The following PDE4C variants were observed in gnomAD, a reference collection of about 807,000 sequenced individuals.
The protein encoded by PDE4C is 3',5'-cyclic-AMP phosphodiesterase 4C.
A neutral mutation model predicts 63.9 loss-of-function variants in PDE4C; 50 were observed. The observed-to-expected ratio is 0.78, with a 90% CI of 0.62 to 0.99. PDE4C has a LOEUF of 0.99. PDE4C is among the 50% of genes least tolerant of loss of function. The probability of loss-of-function intolerance (pLI) is 0.00; values close to 1 mark genes in which losing one functional copy is unlikely to be tolerated. For synonymous variants in PDE4C, 377 were observed against 385.1 expected, an observed-to-expected ratio of 0.98 and a Z score of 0.25; for missense variants, 777 against 899.1, an observed-to-expected ratio of 0.86 and a Z score of 1.74.
upstream of PDE4C, chr19:18,250,539 C>A: frequency 2.7e-6 from 1 of 375,018 alleles, no homozygotes; most frequent in East Asian, 3.6e-5. Context: ...CCCACCAGGG[C>A]CCAGAGCCTT....
intron 1 of PDE4C, among the ~76,000 whole-genome samples, chr19:18,225,281 C>G (rs931176258): frequency 1.3e-5 from 2 of 152,162 alleles, no homozygotes; most frequent in Non-Finnish European, 2.9e-5. Context: ...CCTCGTTCAT[C>G]CTCACTTCTG....
chr19:18,251,676 A>ACCCCCCCCCCCC (rs1969230557), upstream of PDE4C, among the ~76,000 whole-genome samples: 3 of 23,568 alleles, frequency 1.3e-4, no homozygotes, highest in African/African-American at 3.4e-4. Context: ...CTCGTGATAC[A>ACCCCCCCCCCCC]CGCCCCCCCC....
upstream of PDE4C, among the ~76,000 whole-genome samples, chr19:18,231,078 G>A (rs566958894): frequency 1.1e-3 from 166 of 152,340 alleles, 2 homozygotes; most frequent in African/African-American, 3.7e-3. Flanking sequence ...TGATGAGGAC[G>A]CCGAGGCTCC....
chr19:18,252,404 G>A, upstream of PDE4C: 1 of 399,128 alleles, frequency 2.5e-6, no homozygotes, highest in Non-Finnish European at 4.4e-6. Flanking sequence ...GGGTGCTGTG[G>A]GCGAAGGGAG....
chr19:18,211,149 C>T (rs763707510), exon 15 of PDE4C: 5 of 1,614,114 alleles, frequency 3.1e-6, no homozygotes, highest in Middle Eastern at 1.6e-4. Flanking sequence ...TGAGGGACTT[C>T]GGGGGATCTT....
chr19:18,224,945 G>C (rs1968662543), intron 1 of PDE4C, among the ~76,000 whole-genome samples: 2 of 152,218 alleles, frequency 1.3e-5, no homozygotes, highest in South Asian at 4.1e-4. Context: ...CCCTCTCTCG[G>C]CTCTCCCCAA....
At chr19:18,211,650 A>G in intron 14 of PDE4C, 109 bp downstream of exon 14, 1 of 1,274,178 alleles carries the variant, frequency 7.8e-7, no homozygotes, top group East Asian at 2.3e-5. Context: ...CCCTTCAGGC[A>G]CACTCCCTGG....
chr19:18,250,124 C>G, upstream of PDE4C: 1 of 398,774 alleles, frequency 2.5e-6, no homozygotes, highest in Non-Finnish European at 4.4e-6. Flanking sequence ...GTTGGCTCCT[C>G]AGGGCTCACT....
chr19:18,222,020 A>G, intron 2 of PDE4C, 112 bp downstream of exon 2: 1 of 920,116 alleles, frequency 1.1e-6, no homozygotes, highest in Non-Finnish European at 1.6e-6. Flanking sequence ...GCAAACTCCT[A>G]CTTAAACTTC....
Position 18,243,304 on chromosome 19 carries a change from C to T in PDE4C, c.-210+4867G>A, listed in dbSNP as rs563103013. Among the ~76,000 whole-genome samples, 12 of 152,188 alleles carry T rather than the reference C, an allele frequency of 7.9e-5. 1 individual carries two copies. The South Asian group carries it at 2.5e-3, about 32-fold the overall frequency. ...GTATTTTTTAGTAGAGACAGGATTTCACCATGTTGGCCAGGCTGGTCTCGA... is the reference window on the plus strand; with the variant it reads ...GTATTTTTTAGTAGAGACAGGATTTTACCATGTTGGCCAGGCTGGTCTCGA... On this transcript the variant is annotated intron_variant, in intron 1 of 15. Transcript: ENST00000594617.
At chr19:18,213,333 A>T in intron 13 of PDE4C, 35 bp downstream of exon 13, 1 of 1,547,888 alleles carries the variant, frequency 6.5e-7, no homozygotes, top group South Asian at 1.2e-5. Flanking sequence ...ACCAAAATTT[A>T]AAAAGGAAGC....
chr19:18,233,035 A>T, exon 1 of PDE4C: 1 of 1,555,036 alleles, frequency 6.4e-7, no homozygotes, highest in Non-Finnish European at 8.7e-7. Flanking sequence ...CAGCCCGCGG[A>T]CTTGTCCGGA....
chr19:18,208,863 G>A (rs1238609256), downstream of PDE4C: 1 of 152,114 alleles, frequency 6.6e-6, no homozygotes, highest in East Asian at 1.9e-4. Context: ...GGGGGAGTCT[G>A]AGGCAGTTTC....
intron 9 of PDE4C, 42 bp from the exon 10 acceptor site, chr19:18,218,540 G>C (rs1481974493): frequency 1.2e-6 from 2 of 1,608,638 alleles, no homozygotes; most frequent in African/African-American, 1.3e-5. Flanking sequence ...TGGCCTTGGG[G>C]CTGCAGCACA....
upstream of PDE4C, among the ~76,000 whole-genome samples, chr19:18,227,899 G>A (rs62120394): frequency 0.24 from 36,335 of 152,074 alleles, 4,568 homozygotes; most frequent in Middle Eastern, 0.33. Context: ...ATACATGAGA[G>A]TCTCCCCATT....
At position 18,241,185 on chromosome 19, in the gene PDE4C, G is replaced by A. The variant is rs550738685; in HGVS notation, c.-210+6986C>T. Among the ~76,000 whole-genome samples the A allele has an allele frequency of 3.3e-5, 5 of 151,784 alleles. No homozygotes were observed. The South Asian group carries it at 1.0e-3, about 32-fold the overall frequency. ...GTGTGGGGACAGTTAGCATCTCCCA[G>A]ATGGGAGGCCCCTGAGATGTCAGCT... On this transcript the variant is annotated intron_variant, in intron 1 of 15. Transcript: ENST00000594617.
At chr19:18,215,420 CA>C (rs1377873683) in intron 12 of PDE4C, among the ~76,000 whole-genome samples, 2 of 151,254 alleles carry the variant, frequency 1.3e-5, no homozygotes, top group Admixed American at 6.6e-5. Flanking sequence ...AATAGGTGCT[CA>C]ATAAATGCTT....
chr19:18,213,339 G>A (rs749824411), intron 13 of PDE4C, 29 bp downstream of exon 13: 1 of 1,561,988 alleles, frequency 6.4e-7, no homozygotes, highest in East Asian at 2.3e-5. Flanking sequence ...ATTTAAAAAG[G>A]AAGCCCCAGT....
intron 12 of PDE4C, among the ~76,000 whole-genome samples, chr19:18,214,674 C>T (rs1024803096): frequency 2.0e-5 from 3 of 152,036 alleles, no homozygotes; most frequent in African/African-American, 4.8e-5. Flanking sequence ...CCCAGCCGGG[C>T]GCCGTGGCTC....
Sources: gnomAD v4.1 joint callset for allele counts (sites outside exome capture counted in the v4.1 genomes callset) on GRCh38, gnomAD v4.1.1 for gene constraint, MANE v1.5 for transcripts, NCBI Gene and HGNC (gene_info 2026-07-23, HGNC 2026-07-21) for gene names.